GRK5: variants seen among roughly 807,000 people sequenced by gnomAD.
GRK5 encodes the protein G protein-coupled receptor kinase 5.
In GRK5, 40 loss-of-function variants were observed where a neutral mutation model predicts 78.4. That is an observed-to-expected ratio of 0.51 (90% CI 0.40 to 0.66). The LOEUF (loss-of-function observed/expected upper bound fraction) is 0.66, where lower values mean the gene tolerates loss of function less well. Among genes scored for constraint, GRK5 ranks in the 30% least tolerant of loss-of-function variants. The pLI is 0.00. For synonymous variants in GRK5, 289 were observed against 296.8 expected, an observed-to-expected ratio of 0.97 and a Z score of 0.27; for missense variants, 598 against 759.9, an observed-to-expected ratio of 0.79 and a Z score of 2.50.
intron 1 of GRK5, among the ~76,000 whole-genome samples, chr10:119,246,040 A>G (rs912050980): frequency 8.6e-5 from 12 of 140,290 alleles, no homozygotes; most frequent in South Asian, 4.2e-4. Flanking sequence ...AAAAAAAAAA[A>G]AAAAAGAAAA....
intron 1 of GRK5, among the ~76,000 whole-genome samples, chr10:119,315,083 C>T (rs899506112): frequency 2.6e-5 from 4 of 152,206 alleles, no homozygotes; most frequent in African/African-American, 7.2e-5. Context: ...AGCGGCTCTG[C>T]GCCCTGTCCT....
intron 1 of GRK5, among the ~76,000 whole-genome samples, chr10:119,215,358 C>T (rs962361651): frequency 6.6e-6 from 1 of 151,692 alleles, no homozygotes; most frequent in African/African-American, 2.4e-5. Flanking sequence ...TGTGATAACC[C>T]CATGACTTCT....
At chr10:119,422,654 G>A (rs1200003851) in intron 4 of GRK5, among the ~76,000 whole-genome samples, 2 of 152,224 alleles carry the variant, frequency 1.3e-5, no homozygotes, top group African/African-American at 4.8e-5. Flanking sequence ...CTGGGCAGGT[G>A]TTCATCTTCT....
chr10:119,344,908 TCC>T (rs1851056877), intron 2 of GRK5, among the ~76,000 whole-genome samples: 2 of 139,080 alleles, frequency 1.4e-5, no homozygotes, highest in Admixed American at 1.5e-4. Context: ...CTTCCTTCCT[TCC>T]TTCCTTCCTT....
At chr10:119,395,481 G>A (rs1261298978) in intron 3 of GRK5, among the ~76,000 whole-genome samples, 1 of 152,214 alleles carries the variant, frequency 6.6e-6, no homozygotes, top group Non-Finnish European at 1.5e-5. Flanking sequence ...GTCCGTCTAT[G>A]CTGGTGTCAT....
At chr10:119,334,809 C>G (rs1018664600) in intron 2 of GRK5, 2 of 151,958 alleles carry the variant, frequency 1.3e-5, no homozygotes, top group Non-Finnish European at 2.9e-5. Flanking sequence ...CCCTCCCCAC[C>G]CCCCAACAGG....
rs757358017 is a variant in GRK5 at position 119,445,571 on chromosome 10, C to G, written c.1266+1819C>G. ...CCTGCTGCTCCCGGAGGACCTGTCC[C>G]GTGGGTACAAAACCACTGTCCTCTG... On this transcript the variant is annotated intron_variant, in intron 12 of 15. Coordinates refer to ENST00000392870, the MANE Select transcript of GRK5 (RefSeq NM_005308.3). This position sits in a 1 kb window ranked among gnomAD's most constrained non-coding sequence, Gnocchi z 4.1. Among the ~76,000 whole-genome samples the G allele has an allele frequency of 1.3e-5, 2 of 152,164 alleles. No individual in the cohort carries two copies. Among genetic ancestry groups the G allele is most frequent in the South Asian group, 2.1e-4 (1 of 4,828 alleles).
chr10:119,259,375 C>G (rs1849336892), intron 1 of GRK5, among the ~76,000 whole-genome samples: 1 of 152,184 alleles, frequency 6.6e-6, no homozygotes, highest in Non-Finnish European at 1.5e-5. Context: ...AACACTCCCT[C>G]TTTCATCTTG....
intron 1 of GRK5, among the ~76,000 whole-genome samples, chr10:119,278,299 G>A (rs1407367871): frequency 1.3e-5 from 2 of 151,830 alleles, no homozygotes; most frequent in Non-Finnish European, 2.9e-5. Flanking sequence ...ACTGCAGGCC[G>A]CCCCTCTGCT....
chr10:119,212,718 T>C (rs528512535), intron 1 of GRK5: 1 of 152,338 alleles, frequency 6.6e-6, no homozygotes, highest in East Asian at 1.9e-4. Context: ...ATTATTGTCA[T>C]AGGTCATGCA....
chr10:119,443,868 G>C (rs1205047802), intron 12 of GRK5, 116 bp downstream of exon 12: 5 of 898,498 alleles, frequency 5.6e-6, no homozygotes, highest in Non-Finnish European at 8.3e-6. Context: ...CTGAGCATGG[G>C]GGTGGGGGTT....
intron 1 of GRK5, among the ~76,000 whole-genome samples, chr10:119,240,865 C>T (rs1051790930): frequency 4.6e-5 from 7 of 152,170 alleles, no homozygotes; most frequent in Non-Finnish European, 1.0e-4. Context: ...GCTAGGATTA[C>T]AGGCTCAAGC....
chr10:119,222,951 G>C lies in GRK5; in HGVS notation c.52+14982G>C, dbSNP rs370235066. Among the ~76,000 whole-genome samples, 40 of 152,316 alleles carry C rather than the reference G, an allele frequency of 2.6e-4. No homozygotes were observed. The East Asian group carries it at 6.9e-3, about 26-fold the overall frequency. Reference sequence around the variant, plus strand: ...GTCCCCTGGCCTGGATTTTCCTCCAGGGCAGCTCTGCAACTCTAACACCCA... The same window carrying C: ...GTCCCCTGGCCTGGATTTTCCTCCACGGCAGCTCTGCAACTCTAACACCCA... On this transcript the variant is annotated intron_variant, in intron 1 of 15. Transcript: ENST00000392870.
intron 1 of GRK5, among the ~76,000 whole-genome samples, chr10:119,310,899 G>A (rs1236437747): frequency 1.3e-5 from 2 of 152,168 alleles, no homozygotes; most frequent in Admixed American, 1.3e-4. Flanking sequence ...GTGGACAGAA[G>A]AGTCAGCAGC....
At chr10:119,348,056 C>T (rs1003875055) in intron 2 of GRK5, among the ~76,000 whole-genome samples, 11 of 152,228 alleles carry the variant, frequency 7.2e-5, no homozygotes, top group Admixed American at 5.9e-4. Flanking sequence ...AGGACAGGGC[C>T]GTGTCTCAGT....
At chr10:119,280,408 C>A (rs529119410) in intron 1 of GRK5, among the ~76,000 whole-genome samples, 1 of 152,128 alleles carries the variant, frequency 6.6e-6, no homozygotes, top group Non-Finnish European at 1.5e-5. Context: ...ACGTGAATGT[C>A]GGCTCTCCAG....
chr10:119,425,016 G>A lies in GRK5; in HGVS notation c.464G>A (p.Gly155Glu), dbSNP rs1193580833. The A allele has an allele frequency of 1.2e-6, 2 of 1,613,638 alleles. No homozygotes were observed. The highest frequency in any genetic ancestry group is 1.7e-5 in the Admixed American group (1 of 60,012). ...CAQSVHEYLR[G>E]EPFHEYLDSM... ...AGGTCTGTCCACGAGTACCTGAGGGGAGAACCATTCCACGAATATCTGGAC... is the reference window on the plus strand; with the variant it reads ...AGGTCTGTCCACGAGTACCTGAGGGAAGAACCATTCCACGAATATCTGGAC... The change falls in exon 6 of 16, where the codon GGA becomes GAA. Residue 155 changes from glycine to glutamate, a missense_variant. Gly to Glu is a moderately conservative substitution (Grantham distance 98, BLOSUM62 -2). Coordinates refer to ENST00000392870, the MANE Select transcript of GRK5 (RefSeq NM_005308.3).
chr10:119,433,402 G>A (rs906356296), intron 8 of GRK5, among the ~76,000 whole-genome samples: 2 of 152,202 alleles, frequency 1.3e-5, no homozygotes, highest in Non-Finnish European at 2.9e-5. Context: ...GATTCACAAA[G>A]CTGGGTGGCA....
chr10:119,454,480 C>T (rs575913887), intron 15 of GRK5, among the ~76,000 whole-genome samples: 15 of 152,324 alleles, frequency 9.8e-5, no homozygotes, highest in African/African-American at 3.6e-4. Context: ...CCAGCACTCA[C>T]GGGATGCAGA....
Sources: gnomAD v4.1 joint callset for allele counts (sites outside exome capture counted in the v4.1 genomes callset) on GRCh38, gnomAD v4.1.1 for gene constraint, Gnocchi (gnomAD v3.1) non-coding constraint, MANE v1.5 for transcripts, NCBI Gene and HGNC (gene_info 2026-07-23, HGNC 2026-07-21) for gene names.